Variants in RSRC2 observed in about 807,000 individuals in gnomAD.
RSRC2 encodes arginine/serine-rich coiled-coil protein 2.
In RSRC2, 5 loss-of-function variants were observed where a neutral mutation model predicts 61.3. The ratio of observed to expected loss-of-function variants is 0.08; its 90% CI spans 0.04 to 0.17. RSRC2 has a LOEUF of 0.17. Ranked by LOEUF, RSRC2 falls within the 10% of genes least tolerant of loss-of-function variation. The pLI is 1.00. For missense variants in RSRC2, 381 were observed against 518.8 expected (o/e 0.73, Z 2.58); for synonymous variants, 202 against 166.5 (o/e 1.21, Z -1.64).
chr12:122,516,530 G>A (rs184556795), intron 5 of RSRC2, among the ~76,000 whole-genome samples: 2 of 152,278 alleles, frequency 1.3e-5, no homozygotes, highest in South Asian at 2.1e-4. Context: ...TTTCTTAAAC[G>A]TCTTTAAGCA....
At position 122,508,280 on chromosome 12, in the gene RSRC2, G is replaced by T; in HGVS notation, c.973C>A (p.Pro325Thr). 6.2e-7 allele frequency: 1 copy of T among 1,614,020 alleles called. No individual in the cohort carries two copies. The highest frequency in any genetic ancestry group is 1.3e-5 in the African/African-American group (1 of 74,976). ...PSYYNPAAVN[P>T]MKFAEQEKKR... Reference sequence around the variant, plus strand: ...TTCTCTTGTTCAGCAAATTTCATTGGATTAACAGCGGCTGGGTTATAGTAG... The same window carrying T: ...TTCTCTTGTTCAGCAAATTTCATTGTATTAACAGCGGCTGGGTTATAGTAG... The change falls in exon 8 of 10, where the codon CCA (proline) becomes ACA (threonine). Residue 325 changes from proline to threonine, a missense_variant. Pro to Thr is a conservative substitution (Grantham distance 38). Coordinates refer to ENST00000331738, the MANE Select transcript of RSRC2 (RefSeq NM_023012.6).
chr12:122,524,751 G>A (rs1233817778), intron 1 of RSRC2, among the ~76,000 whole-genome samples: 1 of 152,012 alleles, frequency 6.6e-6, no homozygotes, highest in Non-Finnish European at 1.5e-5. Flanking sequence ...GCATAATACA[G>A]GTATCCAGGA....
At chr12:122,513,920 T>G in intron 6 of RSRC2, 1 of 428,394 alleles carries the variant, frequency 2.3e-6, no homozygotes, top group Non-Finnish European at 3.1e-6. Flanking sequence ...TGGTCCCAAC[T>G]ACTTGAGAGG....
At chr12:122,525,666 T>C (rs1386350785) in intron 1 of RSRC2, among the ~76,000 whole-genome samples, 6 of 152,204 alleles carry the variant, frequency 3.9e-5, no homozygotes, top group Non-Finnish European at 7.3e-5. Context: ...CTTTACATTT[T>C]CCTTTTAACG....
At chr12:122,514,789 T>C (rs1958786451) in intron 6 of RSRC2, 15 of 974,490 alleles carry the variant, frequency 1.5e-5, no homozygotes, top group Non-Finnish European at 2.0e-5. Context: ...AAAATAATAG[T>C]TCTTGAACCA....
At chr12:122,514,922 C>CTTA (rs1958795540) in intron 6 of RSRC2, 183 bp downstream of exon 6, 1 of 733,780 alleles carries the variant, frequency 1.4e-6, no homozygotes, top group African/African-American at 1.8e-5. Flanking sequence ...ACATCTCAAT[C>CTTA]TTATAGTTGT....
At chr12:122,514,371 TCTCGTGC>T (rs1958755854) in intron 6 of RSRC2, among the ~76,000 whole-genome samples, 2 of 151,542 alleles carry the variant, frequency 1.3e-5, no homozygotes, top group Non-Finnish European at 2.9e-5. Context: ...TTCAAGCGAT[TCTCGTGC>T]CTCAGCCTCC....
At chr12:122,513,254 TAAAAATA>T (rs1351922430) in intron 6 of RSRC2, among the ~76,000 whole-genome samples, 16 of 138,020 alleles carry the variant, frequency 1.2e-4, no homozygotes, top group African/African-American at 3.9e-4. Flanking sequence ...TAAAATAAAA[TAAAAATA>T]AAAAATAAAA....
chr12:122,526,726 G>T, intron 1 of RSRC2, 122 bp downstream of exon 1: 1 of 1,155,390 alleles, frequency 8.7e-7, no homozygotes, highest in Non-Finnish European at 1.3e-6. Context: ...GGGCGCAGAA[G>T]AAGGCCGCGG....
chr12:122,512,504 G>A (rs1480736150), intron 6 of RSRC2, among the ~76,000 whole-genome samples: 2 of 152,136 alleles, frequency 1.3e-5, no homozygotes, highest in African/African-American at 4.8e-5. Context: ...GAGGTGGGTG[G>A]ATCACCTGAG....
intron 1 of RSRC2, chr12:122,526,356 T>C (rs1960396012): frequency 6.3e-6 from 1 of 159,298 alleles, no homozygotes; most frequent in African/African-American, 2.4e-5. Flanking sequence ...ATTATGCAAC[T>C]AGAAGCATCT....
At chr12:122,508,601 G>A (rs1386807718) in intron 7 of RSRC2, among the ~76,000 whole-genome samples, 154 bp from the exon 8 acceptor site, 1 of 152,174 alleles carries the variant, frequency 6.6e-6, no homozygotes, top group Non-Finnish European at 1.5e-5. Flanking sequence ...TAGCTCACAA[G>A]TTTTTAGCAA....
At chr12:122,509,264 T>C (rs922121644) in intron 7 of RSRC2, among the ~76,000 whole-genome samples, 2 of 151,688 alleles carry the variant, frequency 1.3e-5, no homozygotes, top group African/African-American at 2.4e-5. Flanking sequence ...CTGGCCAACA[T>C]AGTGAAACCC....
intron 8 of RSRC2, among the ~76,000 whole-genome samples, chr12:122,507,504 CAA>C (rs200977113): frequency 2.8e-5 from 4 of 144,166 alleles, no homozygotes; most frequent in Admixed American, 1.4e-4. Flanking sequence ...CAAATAATGT[CAA>C]AAAAAAAAAA....
chr12:122,517,767 C>G (rs566037076), intron 4 of RSRC2, among the ~76,000 whole-genome samples: 68 of 152,062 alleles, frequency 4.5e-4, no homozygotes, highest in African/African-American at 1.6e-3. Context: ...GAGTCTGATA[C>G]CACACACAAC....
rs536978325 is a variant in RSRC2, at chr12:122,526,868, G to C, written c.-15C>G. On this transcript the variant is annotated 5_prime_UTR_variant, in exon 1 of 10. Transcript: ENST00000331738. ...CCTACCGCCATAGTTCAGAGTCCCG[G>C]CCGCTAGAGCGGCGCCTCCACTTGT... 1 of 1,614,196 alleles carries C rather than the reference G, an allele frequency of 6.2e-7. No individual in the cohort carries two copies. Among genetic ancestry groups the C allele is most frequent in the African/African-American group, 1.3e-5 (1 of 75,064 alleles).
Position 122,526,912 on chromosome 12 carries a change from C to T in RSRC2, c.-59G>A, listed in dbSNP as rs557418117. 6.2e-7 allele frequency: 1 copy of T among 1,606,390 alleles called. No homozygotes were observed. Among genetic ancestry groups the T allele is most frequent in the Admixed American group, 1.7e-5 (1 of 59,964 alleles). On this transcript the variant is annotated 5_prime_UTR_variant, in exon 1 of 10. Coordinates refer to ENST00000331738, the MANE Select transcript of RSRC2 (RefSeq NM_023012.6). The stretch of plus-strand genomic sequence containing the variant: ...CACTTGTCGCTTTCAACAGTACCGG[C>T]CGCTCCGAAGCTTCGCCTCAGACTA...
At chr12:122,507,268 G>C (rs1483546130) in intron 8 of RSRC2, 1 of 293,284 alleles carries the variant, frequency 3.4e-6, no homozygotes, top group Non-Finnish European at 6.6e-6. Context: ...AGACCCAGGA[G>C]GGTCTCAGGA....
chr12:122,519,280 T>A (rs1959149970), intron 3 of RSRC2: 3 of 410,788 alleles, frequency 7.3e-6, no homozygotes, highest in Non-Finnish European at 1.3e-5. Context: ...TTTTTAAAGT[T>A]GAAATATTGA....
Sources: allele counts gnomAD v4.1 joint callset (sites outside exome capture counted in the v4.1 genomes callset), GRCh38; gene constraint gnomAD v4.1.1; transcripts MANE v1.5; gene names NCBI Gene and HGNC (gene_info 2026-07-23, HGNC 2026-07-21).